Variants in ESCO1 observed in about 807,000 individuals in gnomAD.
ESCO1 encodes the protein N-acetyltransferase ESCO1.
ESCO1 carries 33 observed loss-of-function variants against 83.5 expected under a neutral mutation model. The observed-to-expected ratio is 0.40, with a 90% CI of 0.30 to 0.53. The LOEUF is 0.53. Ranked by LOEUF, ESCO1 falls within the 20% of genes least tolerant of loss-of-function variation. The probability of loss-of-function intolerance (pLI) is 0.63; values close to 1 mark genes in which losing one functional copy is unlikely to be tolerated. For synonymous variants in ESCO1, 332 were observed against 324.3 expected (o/e 1.02, Z -0.25); for missense variants, 855 against 968.0 (o/e 0.88, Z 1.55).
chr18:21,531,121 A>T (rs1377182727), intron 11 of ESCO1, among the ~76,000 whole-genome samples: 1 of 152,208 alleles, frequency 6.6e-6, no homozygotes, highest in Non-Finnish European at 1.5e-5. Context: ...TAGGGGGAAA[A>T]AAGTCCATTT....
At chr18:21,550,736 G>T (rs2038034345) in intron 8 of ESCO1, among the ~76,000 whole-genome samples, 1 of 152,142 alleles carries the variant, frequency 6.6e-6, no homozygotes, top group Non-Finnish European at 1.5e-5. Flanking sequence ...GTACATCTCT[G>T]GGAGTTCTGC....
rs1330632928 is a variant in ESCO1, at chr18:21,529,323, A to G, written c.*1020T>C. On this transcript the variant is annotated 3_prime_UTR_variant, in exon 12 of 12. Coordinates refer to ENST00000269214, the MANE Select transcript of ESCO1 (RefSeq NM_052911.3). ...GGTCACTTAGAAAAAGCTATCAAGT[A>G]TTTTATTATTTTTATTCTACATTAT... is the stretch of plus-strand genomic sequence containing the variant. The G allele has an allele frequency of 6.6e-6, 1 of 152,606 alleles. No individual in the cohort carries two copies. Among genetic ancestry groups the G allele is most frequent in the Non-Finnish European group, 1.5e-5 (1 of 68,024 alleles). 9.5% of individuals were successfully genotyped at this position (152,606 alleles called of 1,614,324 possible). A position where few individuals can be genotyped will look rare whatever the true frequency, so the allele number is the denominator to read the frequency against.
chr18:21,543,015 G>A (rs548601548), intron 8 of ESCO1, among the ~76,000 whole-genome samples: 90 of 152,282 alleles, frequency 5.9e-4, no homozygotes, highest in Middle Eastern at 3.4e-3. Flanking sequence ...TTCAGGACTA[G>A]TATGTTACAC....
At chr18:21,584,658 G>A (rs1283802882) in intron 1 of ESCO1, among the ~76,000 whole-genome samples, 2 of 151,774 alleles carry the variant, frequency 1.3e-5, no homozygotes, top group Admixed American at 6.6e-5. Context: ...CTGTCTCTTC[G>A]AAAATACAAA....
At chr18:21,572,317 TCTG>T (rs1169980041) in intron 4 of ESCO1, among the ~76,000 whole-genome samples, 1 of 152,238 alleles carries the variant, frequency 6.6e-6, no homozygotes, top group African/African-American at 2.4e-5. Flanking sequence ...ATATAAAATT[TCTG>T]CTTATTGGTT....
At chr18:21,551,125 A>G (rs569851587) in intron 8 of ESCO1, among the ~76,000 whole-genome samples, 3 of 151,364 alleles carry the variant, frequency 2.0e-5, no homozygotes, top group East Asian at 3.9e-4. Flanking sequence ...AAAAAAAAAA[A>G]AAAAGAAAAC....
Position 21,536,111 on chromosome 18 carries a change from A to G in ESCO1, c.2118T>C (p.Thr706=). The change falls in exon 10 of 12, where the codon ACT becomes ACC. Residue 706 remains threonine (T), a synonymous_variant. Transcript: ENST00000269214. The stretch of plus-strand genomic sequence containing the variant: ...CATTGGAAATGAAGAGAAGTGTTTT[A>G]GTTCTGGAATAGCACATTAGTGGAG... ...QQAPLMCYSR[T]KTLLFISNDK... 1 of 1,614,188 alleles carries G rather than the reference A, an allele frequency of 6.2e-7. No individual in the cohort carries two copies. Among genetic ancestry groups the G allele is most frequent in the Non-Finnish European group, 8.5e-7 (1 of 1,180,016 alleles).
chr18:21,568,398 C>T (rs2038292175), intron 4 of ESCO1, among the ~76,000 whole-genome samples: 1 of 152,022 alleles, frequency 6.6e-6, no homozygotes, highest in South Asian at 2.1e-4. Context: ...CCAGCCTGGA[C>T]AACATAGTGA....
chr18:21,566,170 T>C lies in ESCO1; in HGVS notation c.1682A>G (p.Gln561Arg). 6.2e-7 allele frequency: 1 copy of C among 1,613,500 alleles called. No homozygotes were observed. The highest frequency in any genetic ancestry group is 8.5e-7 in the Non-Finnish European group (1 of 1,179,712). Reference protein sequence around the residue: ...APQQHSILSNQTSKSSDNRET... With the variant: ...APQQHSILSNRTSKSSDNRET... The stretch of plus-strand genomic sequence containing the variant: ...CCTGTTATCACTGCTTTTAGATGTC[T>C]GGTTACTGAGAATACTATGCTGTTG... The change falls in exon 6 of 12, where the codon CAG (glutamine) becomes CGG (arginine). Residue 561 changes from glutamine to arginine, a missense_variant. Transcript: ENST00000269214.
intron 1 of ESCO1, among the ~76,000 whole-genome samples, chr18:21,590,462 C>T (rs1160794008): frequency 4.0e-5 from 6 of 151,356 alleles, no homozygotes; most frequent in Admixed American, 1.3e-4. Flanking sequence ...CCTCGTGATC[C>T]GCCCGCCTCA....
At position 21,566,157 on chromosome 18, in the gene ESCO1, G is replaced by A. The variant is rs1185256687; in HGVS notation, c.1695C>T (p.Ser565=). Residue 565 remains serine, a synonymous_variant, in exon 6 of 12, where the codon AGC becomes AGT. Transcript: ENST00000269214. ...AATTAATAGCTTACCTGTTATCACTGCTTTTAGATGTCTGGTTACTGAGAA... is the reference window on the plus strand; with the variant it reads ...AATTAATAGCTTACCTGTTATCACTACTTTTAGATGTCTGGTTACTGAGAA... The part of the protein sequence containing the change: ...HSILSNQTSK[S]SDNRETPRNH... 2 of 1,612,642 alleles carry A rather than the reference G, an allele frequency of 1.2e-6. No individual in the cohort carries two copies. Among genetic ancestry groups the A allele is most frequent in the Non-Finnish European group, 1.7e-6 (2 of 1,179,370 alleles).
chr18:21,594,348 T>A (rs2038729035), intron 1 of ESCO1, among the ~76,000 whole-genome samples: 1 of 152,204 alleles, frequency 6.6e-6, no homozygotes, highest in Non-Finnish European at 1.5e-5. Context: ...AAGCCTAGTG[T>A]TTGGTGATTC....
chr18:21,565,893 T>C (rs1448281274), intron 6 of ESCO1, among the ~76,000 whole-genome samples: 1 of 152,048 alleles, frequency 6.6e-6, no homozygotes, highest in Non-Finnish European at 1.5e-5. Flanking sequence ...ATTGTGCCAC[T>C]GCACTCCAGC....
chr18:21,534,757 A>G (rs2037811850), intron 10 of ESCO1, among the ~76,000 whole-genome samples: 1 of 151,812 alleles, frequency 6.6e-6, no homozygotes, highest in South Asian at 2.1e-4. Context: ...CCTCACGAGT[A>G]ACTGGGATTA....
chr18:21,574,698 G>A lies in ESCO1; in HGVS notation c.146C>T (p.Ala49Val), dbSNP rs1365000451. The A allele has an allele frequency of 1.9e-6, 3 of 1,613,274 alleles. No individual in the cohort carries two copies. In the Admixed American group the frequency reaches 5.0e-5, roughly 27 times the overall value. Residue 49 changes from alanine (A) to valine (V), a missense_variant, in exon 4 of 12, where the codon GCT (alanine) becomes GTT (valine). By Grantham distance (64) the Ala-to-Val change is moderately conservative. Coordinates refer to ENST00000269214, the MANE Select transcript of ESCO1 (RefSeq NM_052911.3). The stretch of plus-strand genomic sequence containing the variant: ...TATTTTACTTTCACTGGAAGATTTA[G>A]CCTGTGATTTTATAGTCTCCTTTGG... ...SGPKETIKSQ[A>V]KSSSESKINQ...
intron 8 of ESCO1, among the ~76,000 whole-genome samples, chr18:21,545,450 G>A (rs1473700419): frequency 2.0e-5 from 3 of 151,412 alleles, no homozygotes; most frequent in Non-Finnish European, 4.4e-5. Flanking sequence ...GCGGGCACCT[G>A]TAATCCCAGC....
chr18:21,576,298 A>C (rs1388279309), intron 2 of ESCO1, among the ~76,000 whole-genome samples: 3 of 152,138 alleles, frequency 2.0e-5, no homozygotes, highest in Non-Finnish European at 4.4e-5. Flanking sequence ...TAAAGCCAAG[A>C]GTTTGTGACC....
chr18:21,570,543 T>C (rs368527883), intron 4 of ESCO1, among the ~76,000 whole-genome samples: 1 of 152,228 alleles, frequency 6.6e-6, no homozygotes, highest in African/African-American at 2.4e-5. Context: ...AGTATTTTTG[T>C]AAAACACTGA....
chr18:21,584,586 C>T (rs1415051655), intron 1 of ESCO1, 146 bp from the exon 2 acceptor site: 1 of 151,932 alleles, frequency 6.6e-6, no homozygotes, highest in Non-Finnish European at 1.5e-5. Flanking sequence ...GTGGAAGGAT[C>T]AAGGATCAAG....
Sources: gnomAD v4.1 joint callset for allele counts (sites outside exome capture counted in the v4.1 genomes callset) on GRCh38, gnomAD v4.1.1 for gene constraint, MANE v1.5 for transcripts, NCBI Gene and HGNC (gene_info 2026-07-23, HGNC 2026-07-21) for gene names.